Variants in NEK1 observed in about 807,000 individuals in gnomAD.
NEK1 encodes the protein serine/threonine-protein kinase Nek1.
NEK1 carries 137 observed loss-of-function variants against 182.1 expected under a neutral mutation model. The ratio of observed to expected loss-of-function variants is 0.75; its 90% CI spans 0.65 to 0.87. The LOEUF is 0.87. NEK1 is among the 40% of genes least tolerant of loss of function. The pLI is 0.00. For synonymous variants in NEK1, 513 were observed against 492.2 expected, an observed-to-expected ratio of 1.04 and a Z score of -0.56; for missense variants, 1,391 against 1,494.4, an observed-to-expected ratio of 0.93 and a Z score of 1.14.
At chr4:169,590,848 C>A in intron 5 of NEK1, 39 bp from the exon 6 acceptor site, 1 of 1,317,948 alleles carries the variant, frequency 7.6e-7, no homozygotes, top group South Asian at 1.3e-5. Context: ...CTCTCTTTGA[C>A]CATTAAAAGA....
intron 31 of NEK1, among the ~76,000 whole-genome samples, chr4:169,420,575 T>A (rs1206116089): frequency 1.3e-5 from 2 of 152,198 alleles, no homozygotes; most frequent in African/African-American, 4.8e-5. Flanking sequence ...TCTATTATAA[T>A]CTTATGGGAC....
chr4:169,410,897 G>A (rs1366270123), intron 31 of NEK1, among the ~76,000 whole-genome samples: 1 of 152,196 alleles, frequency 6.6e-6, no homozygotes, highest in East Asian at 1.9e-4. Flanking sequence ...CTAAAGTGAA[G>A]AAACACGAGC....
At chr4:169,509,898 G>T (rs1171724699) in intron 19 of NEK1, among the ~76,000 whole-genome samples, 2 of 151,880 alleles carry the variant, frequency 1.3e-5, no homozygotes, top group Non-Finnish European at 2.9e-5. Context: ...TATAAAACTG[G>T]TATTTTACTA....
chr4:169,558,800 T>C (rs558848842), intron 16 of NEK1, among the ~76,000 whole-genome samples: 2 of 152,212 alleles, frequency 1.3e-5, no homozygotes, highest in African/African-American at 2.4e-5. Context: ...AACATTTACA[T>C]TGGATATTTA....
At chr4:169,482,639 T>C (rs1748267469) in intron 23 of NEK1, among the ~76,000 whole-genome samples, 2 of 146,272 alleles carry the variant, frequency 1.4e-5, no homozygotes, top group Admixed American at 1.4e-4. Context: ...GGAGTAGAAC[T>C]TTTTTTTTTT....
chr4:169,438,217 C>G lies in NEK1; in HGVS notation c.2630G>C (p.Gly877Ala). ...TGAAATACATTGTACTTTTTTTTCT[C>G]CAGTAATTAAGGGTTTGTACTTTTC... Reference protein sequence around the residue: ...EGEKYKPLITGEKKVQCISHE... With the variant: ...EGEKYKPLITAEKKVQCISHE... Residue 877 changes from glycine to alanine, a missense_variant, in exon 28 of 36, where the codon GGA becomes GCA. Physicochemically the swap from Gly to Ala is moderately conservative, Grantham distance 60 (BLOSUM62 0). Transcript: ENST00000507142. 6.4e-7 allele frequency: 1 copy of G among 1,570,066 alleles called. No individual in the cohort carries two copies. The highest frequency in any genetic ancestry group is 1.2e-5 in the South Asian group (1 of 85,560).
intron 27 of NEK1, among the ~76,000 whole-genome samples, chr4:169,440,527 G>C (rs1159353703): frequency 6.6e-6 from 1 of 152,134 alleles, no homozygotes; most frequent in African/African-American, 2.4e-5. Context: ...CCACAAAGAA[G>C]TACAAAACAG....
At chr4:169,528,534 T>C (rs1757220654) in intron 19 of NEK1, among the ~76,000 whole-genome samples, 1 of 152,198 alleles carries the variant, frequency 6.6e-6, no homozygotes, top group South Asian at 2.1e-4. Context: ...CTTGTGAGAC[T>C]CCAGGTAGAA....
chr4:169,426,349 T>C, intron 29 of NEK1, 115 bp from the exon 30 acceptor site: 1 of 770,636 alleles, frequency 1.3e-6, no homozygotes. Flanking sequence ...TGATCCCTCT[T>C]CCAAGTATTT....
At chr4:169,514,615 G>C (rs563806084) in intron 19 of NEK1, among the ~76,000 whole-genome samples, 1 of 152,132 alleles carries the variant, frequency 6.6e-6, no homozygotes, top group Admixed American at 6.5e-5. Context: ...GAATTTTATA[G>C]GATTGGTTCA....
In NEK1 at chr4:169,433,536, T is replaced by C. The variant is rs1469172993; in HGVS notation, c.2885+9A>G. On this transcript the variant is annotated intron_variant, in intron 29 of 35. Coordinates refer to ENST00000507142, the MANE Select transcript of NEK1 (RefSeq NM_001199397.3). ...TGGGTTTTAAAATGTCAGGAAAAGA[T>C]GTACATACTGAGTTTCCTTTGTTTC... 1 of 1,603,260 alleles carries C rather than the reference T, an allele frequency of 6.2e-7. No homozygotes were observed. Among genetic ancestry groups the C allele is most frequent in the Non-Finnish European group, 8.5e-7 (1 of 1,176,802 alleles).
chr4:169,521,137 T>C (rs1210128033), intron 19 of NEK1, among the ~76,000 whole-genome samples: 1 of 60,598 alleles, frequency 1.7e-5, no homozygotes, highest in Non-Finnish European at 3.3e-5. Context: ...GATCTCAGAC[T>C]GCTGTGCTAG....
At chr4:169,542,189 T>G (rs1759554028) in intron 18 of NEK1, among the ~76,000 whole-genome samples, 1 of 152,112 alleles carries the variant, frequency 6.6e-6, no homozygotes, top group Non-Finnish European at 1.5e-5. Context: ...CCGGCCCCAG[T>G]GTGTGATGTT....
At position 169,537,867 on chromosome 4, in the gene NEK1, T is replaced by C; in HGVS notation, c.1607A>G (p.Glu536Gly). Residue 536 changes from glutamate to glycine, a missense_variant, in exon 19 of 36, where the codon GAG becomes GGG. Physicochemically the swap from Glu to Gly is moderately conservative, Grantham distance 98. This residue lies in a region of NEK1 where 1,216 missense variants were observed against 1,277.6 expected (regional missense o/e 0.95). Transcript: ENST00000507142. Reference protein sequence around the residue: ...LAVERAKQVEEFLQRKREAMQ... With the variant: ...LAVERAKQVEGFLQRKREAMQ... ...AGCTTCCCGTTTTCGCTGCAGGAAC[T>C]CTTCTACTTGTTTAGCTCTTTCTAC... 5.6e-6 allele frequency: 9 copies of C among 1,611,590 alleles called. No individual in the cohort carries two copies. The highest frequency in any genetic ancestry group is 7.6e-6 in the Non-Finnish European group (9 of 1,178,580).
intron 31 of NEK1, among the ~76,000 whole-genome samples, chr4:169,420,158 T>C (rs1399454826): frequency 6.6e-6 from 1 of 152,196 alleles, no homozygotes; most frequent in Non-Finnish European, 1.5e-5. Context: ...AGCCTATGCC[T>C]ACAGAGGGTC....
At chr4:169,544,038 G>A (rs1759929247) in intron 18 of NEK1, among the ~76,000 whole-genome samples, 1 of 152,188 alleles carries the variant, frequency 6.6e-6, no homozygotes, top group African/African-American at 2.4e-5. Context: ...GGAGTGGTGA[G>A]AGAGGGTATC....
At chr4:169,420,627 A>G (rs905293628) in intron 31 of NEK1, among the ~76,000 whole-genome samples, 5 of 152,268 alleles carry the variant, frequency 3.3e-5, no homozygotes, top group African/African-American at 9.6e-5. Flanking sequence ...AAATGTCATT[A>G]TGTGATGCAT....
At chr4:169,521,056 C>A in intron 19 of NEK1, among the ~76,000 whole-genome samples, 1 of 90,914 alleles carries the variant, frequency 1.1e-5, no homozygotes, top group South Asian at 4.5e-4. Context: ...TTCCAGGCTG[C>A]TTTGTTTACC....
At chr4:169,538,741 T>G (rs907720410) in intron 18 of NEK1, among the ~76,000 whole-genome samples, 5 of 152,048 alleles carry the variant, frequency 3.3e-5, no homozygotes, top group African/African-American at 1.2e-4. Context: ...ACTTGTATTT[T>G]GGCTAGTAAG....
Sources: gnomAD v4.1 joint callset for allele counts (sites outside exome capture counted in the v4.1 genomes callset) on GRCh38, gnomAD v4.1.1 for gene constraint, gnomAD v4.1.1 regional missense constraint, MANE v1.5 for transcripts, NCBI Gene and HGNC (gene_info 2026-07-23, HGNC 2026-07-21) for gene names.